Variants in NAALADL2 observed in about 807,000 individuals in gnomAD.
The protein encoded by NAALADL2 is inactive N-acetylated-alpha-linked acidic dipeptidase-like protein 2.
A neutral mutation model predicts 87.2 loss-of-function variants in NAALADL2; 76 were observed. The observed-to-expected ratio is 0.87, with a 90% CI of 0.72 to 1.05. The LOEUF is 1.05. Ranked by LOEUF, NAALADL2 falls within the 50% of genes least tolerant of loss-of-function variation. The pLI is 0.00. For missense variants in NAALADL2, 1,089 were observed against 945.8 expected, an observed-to-expected ratio of 1.15 and a Z score of -1.99; for synonymous variants, 354 against 331.0, an observed-to-expected ratio of 1.07 and a Z score of -0.75.
At chr3:175,698,745 T>C (rs1738554863) in intron 11 of NAALADL2, among the ~76,000 whole-genome samples, 1 of 151,716 alleles carries the variant, frequency 6.6e-6, no homozygotes, top group Non-Finnish European at 1.5e-5. Context: ...TTAGCCACAT[T>C]AATACAATTA....
chr3:174,915,245 A>G (rs920881687), intron 1 of NAALADL2, among the ~76,000 whole-genome samples: 4 of 152,148 alleles, frequency 2.6e-5, no homozygotes, highest in Non-Finnish European at 5.9e-5. Flanking sequence ...AGGAGGTGTC[A>G]TATTGTCTTC....
intron 4 of NAALADL2, among the ~76,000 whole-genome samples, chr3:175,306,303 T>C (rs1402514680): frequency 6.6e-6 from 1 of 152,190 alleles, no homozygotes; most frequent in East Asian, 1.9e-4. Flanking sequence ...AGTATTATTT[T>C]ATATTATCTC....
At chr3:175,386,680 T>G (rs1274067687) in intron 5 of NAALADL2, among the ~76,000 whole-genome samples, 1 of 152,130 alleles carries the variant, frequency 6.6e-6, no homozygotes, top group Admixed American at 6.6e-5. Context: ...AAATTTCAAA[T>G]TGCCCACCAT....
chr3:175,467,717 C>T (rs1314540025), intron 8 of NAALADL2, among the ~76,000 whole-genome samples: 3 of 152,102 alleles, frequency 2.0e-5, no homozygotes, highest in African/African-American at 7.2e-5. Flanking sequence ...TCCTACCTGC[C>T]TATCTATTGC....
chr3:175,116,391 G>C (rs1580534106), intron 2 of NAALADL2, among the ~76,000 whole-genome samples: 1 of 152,054 alleles, frequency 6.6e-6, no homozygotes, highest in East Asian at 1.9e-4. Context: ...AAAGTCTCAG[G>C]ATACAAAATC....
chr3:175,100,039 A>C (rs1177120876), intron 2 of NAALADL2, among the ~76,000 whole-genome samples: 1 of 150,864 alleles, frequency 6.6e-6, no homozygotes, highest in Non-Finnish European at 1.5e-5. Flanking sequence ...ATATGATATA[A>C]TTATTTTAAG....
intron 1 of NAALADL2, among the ~76,000 whole-genome samples, chr3:175,040,483 A>G (rs1201816239): frequency 6.6e-6 from 1 of 152,158 alleles, no homozygotes; most frequent in Non-Finnish European, 1.5e-5. Flanking sequence ...CCGTTTCCAT[A>G]AAGTGTCAGT....
chr3:174,849,503 G>A (rs981484961), intron 3 of NAALADL2, among the ~76,000 whole-genome samples: 68 of 152,006 alleles, frequency 4.5e-4, no homozygotes, highest in African/African-American at 1.6e-3. Context: ...TTGGGGGGCC[G>A]AGGCGGGCAG....
intron 5 of NAALADL2, among the ~76,000 whole-genome samples, chr3:175,389,850 T>TAGAGAGAAC (rs1162555849): frequency 6.6e-6 from 1 of 152,158 alleles, no homozygotes; most frequent in East Asian, 1.9e-4. Context: ...ACAATGTTTC[T>TAGAGAGAAC]TACAAACACT....
intron 5 of NAALADL2, among the ~76,000 whole-genome samples, chr3:175,417,117 G>GAAAAAA (rs11424007): frequency 6.4e-5 from 8 of 125,418 alleles, no homozygotes; most frequent in Non-Finnish European, 8.3e-5. Flanking sequence ...GAAGAGAAAA[G>GAAAAAA]AAAAAAAAAA....
At chr3:174,849,734 C>CAAAA (rs57620256) in intron 3 of NAALADL2, among the ~76,000 whole-genome samples, 10 of 62,826 alleles carry the variant, frequency 1.6e-4, no homozygotes, top group Admixed American at 2.1e-4. Context: ...GACTCTGACT[C>CAAAA]AAAAAAAAAA....
intron 2 of NAALADL2, among the ~76,000 whole-genome samples, chr3:174,565,271 C>T (rs1714121022): frequency 6.6e-6 from 1 of 152,012 alleles, no homozygotes; most frequent in Non-Finnish European, 1.5e-5. Flanking sequence ...GCCACCATTG[C>T]AATACCACAC....
At position 175,234,210 on chromosome 3, in the gene NAALADL2, A is replaced by G; in HGVS notation, c.819+6A>G. The G allele has an allele frequency of 1.2e-6, 2 of 1,612,236 alleles. No individual in the cohort carries two copies. The highest frequency in any genetic ancestry group is 1.7e-6 in the Non-Finnish European group (2 of 1,178,868). On this transcript the variant is annotated splice_donor_region_variant and intron_variant, in intron 3 of 13. Transcript: ENST00000454872. ...CTGCCAAAGGAACTCTCAAGGTAAT[A>G]TGACCATTTGTCTCTGTCATTTACA...
chr3:174,540,453 A>G, intron 1 of NAALADL2, among the ~76,000 whole-genome samples: 1 of 152,168 alleles, frequency 6.6e-6, no homozygotes, highest in Non-Finnish European at 1.5e-5. Context: ...ATTTTAACAA[A>G]TTCTCTGTGC....
chr3:174,516,006 C>T (rs1359435277), intron 1 of NAALADL2, among the ~76,000 whole-genome samples: 1 of 151,990 alleles, frequency 6.6e-6, no homozygotes, highest in Non-Finnish European at 1.5e-5. Context: ...GACCCAAGTG[C>T]TTGGCTTCTT....
intron 1 of NAALADL2, among the ~76,000 whole-genome samples, chr3:175,056,658 T>C (rs1354566054): frequency 1.3e-5 from 2 of 152,204 alleles, no homozygotes; most frequent in Non-Finnish European, 2.9e-5. Flanking sequence ...TACCTATGTA[T>C]TTATTAACAG....
intron 9 of NAALADL2, among the ~76,000 whole-genome samples, chr3:175,553,977 A>G (rs1714861539): frequency 6.6e-6 from 1 of 152,170 alleles, no homozygotes; most frequent in African/African-American, 2.4e-5. Flanking sequence ...ATCAACTGAT[A>G]ATGAGTACTA....
chr3:174,722,207 T>TC (rs2108954915), intron 2 of NAALADL2, among the ~76,000 whole-genome samples: 1 of 152,324 alleles, frequency 6.6e-6, no homozygotes, highest in African/African-American at 2.4e-5. Context: ...AATGCTGTAG[T>TC]CCCAACTCAT....
At chr3:175,660,129 G>A (rs1404068321) in intron 11 of NAALADL2, among the ~76,000 whole-genome samples, 1 of 152,064 alleles carries the variant, frequency 6.6e-6, no homozygotes, top group Non-Finnish European at 1.5e-5. Context: ...TCTTTTATAA[G>A]GGAACTAATC....
Sources: allele counts gnomAD v4.1 joint callset (sites outside exome capture counted in the v4.1 genomes callset), GRCh38; gene constraint gnomAD v4.1.1; transcripts MANE v1.5; gene names NCBI Gene and HGNC (gene_info 2026-07-23, HGNC 2026-07-21).